Variants in VSIR observed in about 807,000 individuals in gnomAD.
The protein encoded by VSIR is V-type immunoglobulin domain-containing suppressor of T-cell activation.
Under a neutral mutation model 31.0 loss-of-function variants are expected in VSIR, and 10 were observed. The ratio of observed to expected loss-of-function variants is 0.32; its 90% CI spans 0.20 to 0.55. The LOEUF (loss-of-function observed/expected upper bound fraction) is 0.55. Among genes scored for constraint, VSIR ranks in the 20% least tolerant of loss-of-function variants. The pLI, the probability that VSIR is intolerant of heterozygous loss-of-function variation, is 0.93. For missense variants in VSIR, 356 were observed against 416.2 expected (o/e 0.86, Z 1.26); for synonymous variants, 179 against 180.1 (o/e 0.99, Z 0.05).
intron 1 of VSIR, among the ~76,000 whole-genome samples, chr10:71,767,902 G>A (rs888161397): frequency 1.3e-5 from 2 of 152,206 alleles, no homozygotes; most frequent in Admixed American, 6.5e-5. Context: ...TGGAGCTGGA[G>A]GCTAGCATGC....
chr10:71,769,857 G>A (rs898924938), intron 1 of VSIR, among the ~76,000 whole-genome samples: 5 of 152,248 alleles, frequency 3.3e-5, no homozygotes, highest in African/African-American at 1.2e-4. Context: ...GCCAGCCAAA[G>A]TGAATGGACC....
chr10:71,755,103 A>T, intron 4 of VSIR: 1 of 634,228 alleles, frequency 1.6e-6, no homozygotes, highest in Non-Finnish European at 2.9e-6. Flanking sequence ...ATTCATTCAG[A>T]AGACATGTAT....
intron 1 of VSIR, among the ~76,000 whole-genome samples, chr10:71,762,565 G>A (rs1196798464): frequency 2.0e-5 from 3 of 152,240 alleles, no homozygotes; most frequent in African/African-American, 7.2e-5. Context: ...TTGAGCAGAC[G>A]AGGCCTGCAT....
chr10:71,755,290 G>A (rs779750037), intron 4 of VSIR, 69 bp downstream of exon 4: 15 of 1,391,270 alleles, frequency 1.1e-5, no homozygotes, highest in Non-Finnish European at 1.4e-5. Context: ...CGAATCCCAG[G>A]GGCTGAACTG....
chr10:71,751,160 G>T lies in VSIR; in HGVS notation c.*93C>A. On this transcript the variant is annotated 3_prime_UTR_variant, in exon 7 of 7. Coordinates refer to ENST00000394957, the MANE Select transcript of VSIR (RefSeq NM_022153.2). This position sits in a 1 kb window ranked among gnomAD's most constrained non-coding sequence, Gnocchi z 4.9. ...CCAGAGCAGGAGGGAGGGAACCAGG[G>T]CCGAGGCCAAGGAGGCCACTCACAG... 1 of 1,434,884 alleles carries T rather than the reference G, an allele frequency of 7.0e-7. No individual in the cohort carries two copies. Among genetic ancestry groups the T allele is most frequent in the South Asian group, 1.3e-5 (1 of 78,576 alleles). 88.9% of individuals were successfully genotyped at this position (1,434,884 alleles called of 1,614,324 possible).
chr10:71,759,140 C>T (rs1184094202), intron 3 of VSIR, among the ~76,000 whole-genome samples: 3 of 151,906 alleles, frequency 2.0e-5, no homozygotes, highest in Non-Finnish European at 2.9e-5. Flanking sequence ...CGGGTTCAAG[C>T]GATTCTCTTG....
In VSIR at chr10:71,751,178, A is replaced by G. The variant is rs1839987611; in HGVS notation, c.*75T>C. On this transcript the variant is annotated 3_prime_UTR_variant, in exon 7 of 7. Coordinates refer to ENST00000394957, the MANE Select transcript of VSIR (RefSeq NM_022153.2). The surrounding 1 kb of genome is among the most constrained non-coding windows in gnomAD (Gnocchi z 4.9). ...AACCAGGGCCGAGGCCAAGGAGGCC[A>G]CTCACAGAGCCAGCCCTGGCTCAAA... 3 of 1,522,052 alleles carry G rather than the reference A, an allele frequency of 2.0e-6. No homozygotes were observed. The highest frequency in any genetic ancestry group is 2.7e-6 in the Non-Finnish European group (3 of 1,119,312). The allele number at this position is 1,522,052 out of a possible 1,614,324, so 94.3% of individuals were successfully genotyped here.
Position 71,761,783 on chromosome 10 carries a change from G to GT in VSIR, c.325dup (p.Thr109AsnfsTer33). Reference sequence around the variant, plus strand: ...GTGGCGCTGAGCCAGGTCGTGGCTGGTGTTGGCAGCCTGGTGGCCTCCATG... The same window carrying GT: ...GTGGCGCTGAGCCAGGTCGTGGCTGGTTGTTGGCAGCCTGGTGGCCTCCATG... On this transcript the variant is annotated frameshift_variant, in exon 2 of 7. Coordinates refer to ENST00000394957, the MANE Select transcript of VSIR (RefSeq NM_022153.2). LOFTEE classifies it high-confidence loss of function. 6.2e-7 allele frequency: 1 copy of GT among 1,614,184 alleles called. No homozygotes were observed. The highest frequency in any genetic ancestry group is 8.5e-7 in the Non-Finnish European group (1 of 1,180,044).
chr10:71,760,060 TATAC>T (rs781589171), intron 3 of VSIR, among the ~76,000 whole-genome samples: 1,607 of 94,616 alleles, frequency 0.017, 420 homozygotes, highest in Non-Finnish European at 0.026. Flanking sequence ...CACACATATA[TATAC>T]ACACACACAT....
intron 4 of VSIR, 47 bp downstream of exon 4, chr10:71,755,312 A>G (rs781619285): frequency 4.0e-5 from 61 of 1,510,018 alleles, no homozygotes; most frequent in Non-Finnish European, 5.1e-5. Flanking sequence ...GGGCTGGAGC[A>G]GGTCACTCGC....
intron 3 of VSIR, among the ~76,000 whole-genome samples, chr10:71,759,046 GT>G (rs568007136): frequency 6.0e-4 from 87 of 145,584 alleles, no homozygotes; most frequent in African/African-American, 8.9e-4. Flanking sequence ...ATTTTGGGTT[GT>G]TTTTTTTTTG....
chr10:71,770,946 T>C (rs528987915), intron 1 of VSIR, among the ~76,000 whole-genome samples: 1 of 152,312 alleles, frequency 6.6e-6, no homozygotes, highest in South Asian at 2.1e-4. Flanking sequence ...CCAGAGCCTC[T>C]GGGCAGTGGG....
chr10:71,767,379 C>T (rs1386216536), intron 1 of VSIR, among the ~76,000 whole-genome samples: 1 of 152,212 alleles, frequency 6.6e-6, no homozygotes, highest in Non-Finnish European at 1.5e-5. Context: ...TAGGAAGCCC[C>T]ACCCAAACAG....
rs1840736311 is a variant in VSIR, at chr10:71,773,449, G to C, written c.-10C>G. ...CCGTGGGGACGCCCATGTCGCCGTC[G>C]GACGCGCAGAGGAACTTCTGGTGCC... On this transcript the variant is annotated 5_prime_UTR_variant, in exon 1 of 7. Coordinates refer to ENST00000394957, the MANE Select transcript of VSIR (RefSeq NM_022153.2). 1.3e-6 allele frequency: 2 copies of C among 1,585,982 alleles called. No individual in the cohort carries two copies. The highest frequency in any genetic ancestry group is 8.6e-7 in the Non-Finnish European group (1 of 1,166,356).
chr10:71,759,848 TATACAC>T (rs1840260711), intron 3 of VSIR, among the ~76,000 whole-genome samples: 1 of 11,638 alleles, frequency 8.6e-5, no homozygotes, highest in Non-Finnish European at 2.9e-4. Flanking sequence ...CACACACACA[TATACAC>T]ACACACACAC....
At position 71,773,483 on chromosome 10, in the gene VSIR, G is replaced by A. The variant is rs1417316094; in HGVS notation, c.-44C>T. On this transcript the variant is annotated 5_prime_UTR_variant, in exon 1 of 7. Transcript: ENST00000394957. The stretch of plus-strand genomic sequence containing the variant: ...GAGGAACTTCTGGTGCCGGGGAGCG[G>A]GCGGGACGCGGCCGGCGCGGGGAAG... The A allele has an allele frequency of 6.5e-7, 1 of 1,542,714 alleles. No individual in the cohort carries two copies. The highest frequency in any genetic ancestry group is 1.9e-5 in the Admixed American group (1 of 51,756).
chr10:71,754,465 G>A (rs553116830), intron 4 of VSIR, among the ~76,000 whole-genome samples: 15 of 152,202 alleles, frequency 9.9e-5, no homozygotes, highest in African/African-American at 3.4e-4. Flanking sequence ...CAGACGGGAA[G>A]AGGCCAGGGA....
intron 3 of VSIR, among the ~76,000 whole-genome samples, chr10:71,759,922 C>CACACACACATATAT (rs1564779355): frequency 2.7e-4 from 11 of 40,298 alleles, no homozygotes; most frequent in East Asian, 2.1e-3. Context: ...CACATATATA[C>CACACACACATATAT]ACACACACAT....
chr10:71,751,404 C>T lies in VSIR; in HGVS notation c.899-114G>A. 1 of 525,686 alleles carries T rather than the reference C, an allele frequency of 1.9e-6. No individual in the cohort carries two copies. The highest frequency in any genetic ancestry group is 3.7e-5 in the Admixed American group (1 of 27,276). The allele number at this position is 525,686 out of a possible 1,614,324, so 32.6% of individuals were successfully genotyped here. On this transcript the variant is annotated intron_variant, in intron 6 of 6. Transcript: ENST00000394957. This position sits in a 1 kb window ranked among gnomAD's most constrained non-coding sequence, Gnocchi z 4.9. ...GGTGAATGGGGGCCCCTCTGTCCCTCACCCTCAACCCCACCCCGTGAGGCC... is the reference window on the plus strand; with the variant it reads ...GGTGAATGGGGGCCCCTCTGTCCCTTACCCTCAACCCCACCCCGTGAGGCC...
Sources: gnomAD v4.1 joint callset for allele counts (sites outside exome capture counted in the v4.1 genomes callset) on GRCh38, gnomAD v4.1.1 for gene constraint, Gnocchi (gnomAD v3.1) non-coding constraint, MANE v1.5 for transcripts, NCBI Gene and HGNC (gene_info 2026-07-23, HGNC 2026-07-21) for gene names.